The following PWWP2A variants were observed in gnomAD, a reference collection of about 807,000 sequenced individuals.
The protein encoded by PWWP2A is PWWP domain-containing protein 2A.
Under a neutral mutation model 48.5 loss-of-function variants are expected in PWWP2A, and 18 were observed. The observed-to-expected ratio is 0.37, with a 90% CI of 0.26 to 0.55. The LOEUF (loss-of-function observed/expected upper bound fraction) is 0.55, where lower values mean the gene tolerates loss of function less well. Ranked by LOEUF, PWWP2A falls within the 20% of genes least tolerant of loss-of-function variation. The probability of loss-of-function intolerance (pLI) is 0.81; values close to 1 mark genes in which losing one functional copy is unlikely to be tolerated. For missense variants in PWWP2A, 867 were observed against 976.4 expected (o/e 0.89, Z 1.49); for synonymous variants, 396 against 387.7 (o/e 1.02, Z -0.25).
At chr5:160,055,719 C>G in the PWWP2A span, among the ~76,000 whole-genome samples, 2 of 152,188 alleles carry the variant, frequency 1.3e-5, no homozygotes, top group Non-Finnish European at 2.9e-5. Flanking sequence ...ATAGAGGCAG[C>G]TCAGGTGAGG....
chr5:160,063,238 G>A (rs888912066), intron 5 of PWWP2A, among the ~76,000 whole-genome samples: 7 of 151,978 alleles, frequency 4.6e-5, no homozygotes, highest in African/African-American at 1.7e-4. Context: ...AAGGCCATGC[G>A]TTTTTTTTGC....
chr5:160,105,774 C>CAA (rs549595565), intron 1 of PWWP2A: 930 of 65,326 alleles, frequency 0.014, 13 homozygotes, highest in African/African-American at 0.046. Flanking sequence ...GACGCCATCT[C>CAA]AAAAAAAAAA....
intron 2 of PWWP2A, among the ~76,000 whole-genome samples, chr5:160,068,918 A>G (rs1157388606): frequency 1.3e-5 from 2 of 152,252 alleles, no homozygotes; most frequent in African/African-American, 4.8e-5. Context: ...CCTCAAGATC[A>G]ATAGAAACTA....
At chr5:160,079,757 A>T (rs1312139078) in intron 3 of PWWP2A, among the ~76,000 whole-genome samples, 1 of 152,208 alleles carries the variant, frequency 6.6e-6, no homozygotes, top group Non-Finnish European at 1.5e-5. Flanking sequence ...AGAGGTGCAG[A>T]AAAATAAAAA....
the PWWP2A span, chr5:160,049,527 C>T: frequency 1.3e-6 from 2 of 1,570,082 alleles, no homozygotes; most frequent in African/African-American, 2.8e-5. Context: ...TTCAATTAAA[C>T]CCCAGCTATA....
chr5:160,115,208 GA>G (rs1415896810), intron 1 of PWWP2A, among the ~76,000 whole-genome samples: 2 of 144,528 alleles, frequency 1.4e-5, no homozygotes, highest in African/African-American at 2.6e-5. Flanking sequence ...CCTAGTCTCT[GA>G]AACGGACTGG....
In PWWP2A at chr5:160,108,664, C is replaced by T. The variant is rs747881442; in HGVS notation, c.584+10141G>A. The T allele has an allele frequency of 1.2e-3, 1,242 of 1,037,556 alleles. 2 individuals are homozygous for T. The highest frequency in any genetic ancestry group is 1.5e-3 in the Non-Finnish European group (1,135 of 761,562). The allele number at this position is 1,037,556 out of a possible 1,614,324, so 64.3% of individuals were successfully genotyped here. A position where few individuals can be genotyped will look rare whatever the true frequency, so the allele number is the denominator to read the frequency against. ...TTGGTTTATATTTCCTCAAAAAACA[C>T]GTAAATTTTCTACAAATTGCTTTCA... On this transcript the variant is annotated intron_variant, in intron 1 of 1. Transcript: ENST00000307063.
Position 160,093,534 on chromosome 5 carries a change from A to G in PWWP2A, c.1116T>C (p.Asp372=), listed in dbSNP as rs377761278. 5 of 1,613,838 alleles carry G rather than the reference A, an allele frequency of 3.1e-6. No individual in the cohort carries two copies. The highest frequency in any genetic ancestry group is 1.3e-5 in the African/African-American group (1 of 75,044). ...TCTGGCTTTCATTTTGGTTTTTCCCATCCACTTTATGGTCAGTTTTCAGTT... is the reference window on the plus strand; with the variant it reads ...TCTGGCTTTCATTTTGGTTTTTCCCGTCCACTTTATGGTCAGTTTTCAGTT... ...NKKLKTDHKV[D]GKNQNESQKR... is the part of the protein sequence containing the mutation. Residue 372 remains aspartate (D), a synonymous_variant, in exon 2 of 2, where the codon GAT becomes GAC. Coordinates refer to ENST00000307063, the MANE Select transcript of PWWP2A (RefSeq NM_001130864.2). The surrounding 1 kb of genome is among the most constrained non-coding windows in gnomAD (Gnocchi z 5.8).
intron 1 of PWWP2A, among the ~76,000 whole-genome samples, chr5:160,104,994 C>G (rs116162720): frequency 0.013 from 1,947 of 152,190 alleles, 46 homozygotes; most frequent in African/African-American, 0.045. Flanking sequence ...GTAATCCAAG[C>G]ATTTCTGGAG....
chr5:160,110,972 C>CA (rs1195225635), intron 1 of PWWP2A, among the ~76,000 whole-genome samples: 3,342 of 53,758 alleles, frequency 0.062, 130 homozygotes, highest in African/African-American at 0.13. Context: ...GACTCTGTCT[C>CA]AAAAAAAAAA....
At chr5:160,095,559 A>T (rs1204454216) in intron 1 of PWWP2A, among the ~76,000 whole-genome samples, 1 of 152,190 alleles carries the variant, frequency 6.6e-6, no homozygotes, top group East Asian at 1.9e-4. Context: ...AGGGGCTTAG[A>T]TCTAAACCCA....
chr5:160,092,983 C>A lies in PWWP2A; in HGVS notation c.1667G>T (p.Gly556Val). 1.3e-6 allele frequency: 2 copies of A among 1,563,366 alleles called. No individual in the cohort carries two copies. The highest frequency in any genetic ancestry group is 8.7e-7 in the Non-Finnish European group (1 of 1,153,132). Residue 556 changes from glycine to valine, a missense_variant, in exon 2 of 2, where the codon GGC becomes GTC. Gly to Val is a moderately radical substitution (Grantham distance 109). Coordinates refer to ENST00000307063, the MANE Select transcript of PWWP2A (RefSeq NM_001130864.2). ...PGDQDEPQTL[G>V]KKGSKNNISV... Reference sequence around the variant, plus strand: ...GATATTGTTTTTGCTGCCCTTTTTGCCCAATGTCTGTGGTTCATCCTGATC... The same window carrying A: ...GATATTGTTTTTGCTGCCCTTTTTGACCAATGTCTGTGGTTCATCCTGATC...
chr5:160,078,488 G>T lies in PWWP2A; in HGVS notation c.1670-320C>A, dbSNP rs949782504. On this transcript the variant is annotated intron_variant, in intron 3 of 3. Transcript: ENST00000456329. This position sits in a 1 kb window ranked among gnomAD's most constrained non-coding sequence, Gnocchi z 4.2. ...TGCTTATAAATGCCTAGTAACAGGGGAATTTTAACTTTGTTCCTTATATCG... is the reference window on the plus strand; with the variant it reads ...TGCTTATAAATGCCTAGTAACAGGGTAATTTTAACTTTGTTCCTTATATCG... Among the ~76,000 whole-genome samples the T allele has an allele frequency of 2.0e-4, 30 of 152,110 alleles. No individual in the cohort carries two copies. Among genetic ancestry groups the T allele is most frequent in the African/African-American group, 7.0e-4 (29 of 41,400 alleles).
chr5:160,097,585 G>A (rs1222576507), intron 1 of PWWP2A, among the ~76,000 whole-genome samples: 6 of 151,002 alleles, frequency 4.0e-5, no homozygotes, highest in East Asian at 4.0e-4. Flanking sequence ...AGCCGAGATC[G>A]CACCACTGCA....
chr5:160,045,612 C>T, the PWWP2A span, among the ~76,000 whole-genome samples: 1 of 150,592 alleles, frequency 6.6e-6, no homozygotes, highest in Non-Finnish European at 1.5e-5. Flanking sequence ...TAGCTTATTT[C>T]TGAGGTCATA....
downstream of PWWP2A, among the ~76,000 whole-genome samples, chr5:160,086,658 C>T (rs966299283): frequency 2.0e-5 from 3 of 151,948 alleles, no homozygotes; most frequent in East Asian, 1.9e-4. Flanking sequence ...TTTGGGAGGC[C>T]GAGGCGGGTG....
In PWWP2A at chr5:160,082,435, C is replaced by A. The variant is rs529808635; in HGVS notation, c.1550-1665G>T. Among the ~76,000 whole-genome samples, 71 of 122,454 alleles carry A rather than the reference C, an allele frequency of 5.8e-4. No individual in the cohort carries two copies. The South Asian group carries it at 0.014, about 23-fold the overall frequency. 80.3% of individuals were successfully genotyped at this position (122,454 alleles called of 152,430 possible). Reference sequence around the variant, plus strand: ...CTCCAGCCTGGGCGACAGAGCGAGACTCCGTCTCAAAAAAAAAAAAAAAGA... The same window carrying A: ...CTCCAGCCTGGGCGACAGAGCGAGAATCCGTCTCAAAAAAAAAAAAAAAGA... On this transcript the variant is annotated intron_variant, in intron 2 of 3. Transcript: ENST00000456329.
At chr5:160,055,647 C>T in the PWWP2A span, among the ~76,000 whole-genome samples, 22 of 152,332 alleles carry the variant, frequency 1.4e-4, no homozygotes, top group South Asian at 4.3e-3. Context: ...TAAGTTTTAA[C>T]CTCTCAAGTG....
downstream of PWWP2A, chr5:160,089,500 C>T: frequency 7.9e-7 from 1 of 1,259,692 alleles, no homozygotes; most frequent in South Asian, 1.3e-5. Context: ...GAATGACCCA[C>T]CGCACCTGGC....
Sources: allele counts gnomAD v4.1 joint callset (sites outside exome capture counted in the v4.1 genomes callset), GRCh38; gene constraint gnomAD v4.1.1; non-coding constraint Gnocchi (gnomAD v3.1); transcripts MANE v1.5; gene names NCBI Gene and HGNC (gene_info 2026-07-23, HGNC 2026-07-21).